STT3A: variants seen among roughly 807,000 people sequenced by gnomAD.
The protein encoded by STT3A is STT3 oligosaccharyltransferase complex catalytic subunit A, also known as dolichyl-diphosphooligosaccharide--protein glycosyltransferase subunit STT3A.
Under a neutral mutation model 89.2 loss-of-function variants are expected in STT3A, and 34 were observed. The ratio of observed to expected loss-of-function variants is 0.38; its 90% CI spans 0.29 to 0.51. The LOEUF (loss-of-function observed/expected upper bound fraction) is 0.51, where lower values mean the gene tolerates loss of function less well. STT3A is among the 20% of genes least tolerant of loss of function. STT3A has a pLI of 0.89. For missense variants in STT3A, 555 were observed against 889.5 expected (o/e 0.62, Z 4.78); for synonymous variants, 282 against 310.3 (o/e 0.91, Z 0.96).
In STT3A at chr11:125,602,907, T is replaced by A; in HGVS notation, c.376T>A (p.Phe126Ile). 6.2e-7 allele frequency: 1 copy of A among 1,614,130 alleles called. No individual in the cohort carries two copies. Among genetic ancestry groups the A allele is most frequent in the Non-Finnish European group, 8.5e-7 (1 of 1,180,034 alleles). Residue 126 changes from phenylalanine to isoleucine, a missense_variant, in exon 5 of 18, where the codon TTC becomes ATC. Phe to Ile is a conservative substitution (Grantham distance 21, BLOSUM62 0). Coordinates refer to ENST00000392708, the MANE Select transcript of STT3A (RefSeq NM_152713.5). ...CVFLAPLFSS[F>I]TTIVTYHLTK... is the part of the protein sequence containing the mutation. Reference sequence around the variant, plus strand: ...GTTCCTGGCCCCTCTCTTCTCCTCCTTCACCACCATCGTCACGTACCACCT... The same window carrying A: ...GTTCCTGGCCCCTCTCTTCTCCTCCATCACCACCATCGTCACGTACCACCT...
chr11:125,600,043 T>A (rs973900511), intron 3 of STT3A, among the ~76,000 whole-genome samples: 1 of 150,340 alleles, frequency 6.7e-6, no homozygotes, highest in Non-Finnish European at 1.5e-5. Flanking sequence ...TTTATTTTTA[T>A]TTGTTATTAT....
chr11:125,599,722 A>T (rs1239187304), intron 3 of STT3A, among the ~76,000 whole-genome samples: 7 of 147,050 alleles, frequency 4.8e-5, no homozygotes, highest in Non-Finnish European at 1.0e-4. Context: ...CTTTATTTTT[A>T]TTTATTATTA....
chr11:125,605,921 A>G (rs1468991879), intron 7 of STT3A, among the ~76,000 whole-genome samples, 186 bp downstream of exon 7: 1 of 152,070 alleles, frequency 6.6e-6, no homozygotes, highest in Non-Finnish European at 1.5e-5. Context: ...ACTTGCTCAC[A>G]TATCCCTAAA....
At chr11:125,598,649 A>G (rs1939573462) in intron 3 of STT3A, among the ~76,000 whole-genome samples, 1 of 152,144 alleles carries the variant, frequency 6.6e-6, no homozygotes, top group Non-Finnish European at 1.5e-5. Context: ...CTGTCACCCA[A>G]GCTGAAGTGC....
chr11:125,592,473 C>T (rs915386963), upstream of STT3A: 1 of 456,044 alleles, frequency 2.2e-6, no homozygotes, highest in Non-Finnish European at 4.4e-6. Context: ...GGACTTGGAG[C>T]AAGGGCCTAT....
upstream of STT3A, among the ~76,000 whole-genome samples, chr11:125,592,125 C>G (rs1160457597): frequency 6.6e-6 from 1 of 152,186 alleles, no homozygotes; most frequent in Non-Finnish European, 1.5e-5. Flanking sequence ...GAGGGCTGTG[C>G]CTCCGCGGCG....
Position 125,614,016 on chromosome 11 carries a change from C to A in STT3A, c.1555-71C>A. 2 of 1,356,088 alleles carry A rather than the reference C, an allele frequency of 1.5e-6. No homozygotes were observed. Among genetic ancestry groups the A allele is most frequent in the Non-Finnish European group, 2.1e-6 (2 of 954,066 alleles). 84.0% of individuals were successfully genotyped at this position (1,356,088 alleles called of 1,614,324 possible). On this transcript the variant is annotated intron_variant, in intron 13 of 17. Transcript: ENST00000392708. This position sits in a 1 kb window ranked among gnomAD's most constrained non-coding sequence, Gnocchi z 4.9. The stretch of plus-strand genomic sequence containing the variant: ...TGTCACTTCTGTCAGACCAAAGATG[C>A]CTTCTCTGTTGCATTTGATTTTTAG...
chr11:125,604,160 G>T lies in STT3A; in HGVS notation c.421G>T (p.Ala141Ser), dbSNP rs1166858649. Residue 141 changes from alanine (A) to serine (S), a missense_variant, in exon 6 of 18, where the codon GCA becomes TCA. Transcript: ENST00000392708. ...TATTACCCTTTTTTTCTTACAGGATGCAGGGGCTGGGCTTCTTGCTGCTGC... is the reference window on the plus strand; with the variant it reads ...TATTACCCTTTTTTTCTTACAGGATTCAGGGGCTGGGCTTCTTGCTGCTGC... ...TYHLTKELKDAGAGLLAAAMI... is the reference protein window; with the variant it reads ...TYHLTKELKDSGAGLLAAAMI... 1.9e-6 allele frequency: 3 copies of T among 1,613,866 alleles called. No individual in the cohort carries two copies. The highest frequency in any genetic ancestry group is 2.7e-5 in the African/African-American group (2 of 74,996).
intron 15 of STT3A, among the ~76,000 whole-genome samples, chr11:125,615,084 T>C (rs936962485): frequency 1.4e-4 from 22 of 152,100 alleles, no homozygotes; most frequent in African/African-American, 5.1e-4. Context: ...ATGACCAGCC[T>C]GGGCAACATA....
rs748004653 is a variant in STT3A at position 125,618,534 on chromosome 11, C to A, written c.1936C>A (p.Arg646Ser). 4 of 1,613,204 alleles carry A rather than the reference C, an allele frequency of 2.5e-6. No individual in the cohort carries two copies. The highest frequency in any genetic ancestry group is 1.3e-5 in the African/African-American group (1 of 74,826). ...CCTCATGTACAAGATGTGTTACTATCGCTTTGGACAGGTTTACACAGAAGC... is the reference window on the plus strand; with the variant it reads ...CCTCATGTACAAGATGTGTTACTATAGCTTTGGACAGGTTTACACAGAAGC... The part of the protein sequence containing the change: ...NCLMYKMCYY[R>S]FGQVYTEAKR... The change falls in exon 16 of 18, where the codon CGC (arginine) becomes AGC (serine). Residue 646 changes from arginine (R) to serine (S), a missense_variant. Arg to Ser is a moderately radical substitution (Grantham distance 110). Transcript: ENST00000392708.
chr11:125,600,744 A>G (rs1939647704), intron 3 of STT3A, among the ~76,000 whole-genome samples: 1 of 152,160 alleles, frequency 6.6e-6, no homozygotes, highest in African/African-American at 2.4e-5. Context: ...GCTCTTAAGC[A>G]TTTTATGTCA....
chr11:125,620,013 C>T lies in STT3A; in HGVS notation c.1966C>T (p.Arg656Cys), dbSNP rs144877028. The T allele has an allele frequency of 4.3e-6, 7 of 1,613,314 alleles. No homozygotes were observed. Among genetic ancestry groups the T allele is most frequent in the South Asian group, 1.1e-5 (1 of 91,020 alleles). Residue 656 changes from arginine to cysteine, a missense_variant and splice_region_variant, in exon 17 of 18, where the codon CGT becomes TGT. By Grantham distance (180) the Arg-to-Cys change is radical (BLOSUM62 -3). Around this residue, in one of 5 missense-constraint regions of STT3A, gnomAD observed 273 missense variants for 449.8 expected, o/e 0.61. Coordinates refer to ENST00000392708, the MANE Select transcript of STT3A (RefSeq NM_152713.5). ...TGTTCTTTTTCATCCCTCTCTAGAGCGTCCTCCAGGCTTTGACCGTGTCCG... is the reference window on the plus strand; with the variant it reads ...TGTTCTTTTTCATCCCTCTCTAGAGTGTCCTCCAGGCTTTGACCGTGTCCG... ...RFGQVYTEAK[R>C]PPGFDRVRNA...
At chr11:125,609,265 T>G (rs532886498) in intron 9 of STT3A, among the ~76,000 whole-genome samples, 169 bp from the exon 10 acceptor site, 1 of 152,340 alleles carries the variant, frequency 6.6e-6, no homozygotes, top group Admixed American at 6.5e-5. Flanking sequence ...ACTCTCAGGT[T>G]TGAAAGAAAG....
intron 3 of STT3A, 88 bp from the exon 4 acceptor site, chr11:125,602,215 T>C: frequency 6.8e-7 from 1 of 1,459,964 alleles, no homozygotes; most frequent in East Asian, 2.3e-5. Context: ...AACTGATTTT[T>C]CATTGAGTAA....
intron 16 of STT3A, among the ~76,000 whole-genome samples, chr11:125,619,788 G>C (rs941166062): frequency 9.2e-5 from 14 of 152,170 alleles, no homozygotes; most frequent in African/African-American, 3.1e-4. Flanking sequence ...TCTTATCAGA[G>C]ATAAGACATT....
Position 125,602,283 on chromosome 11 carries a change from A to G in STT3A, c.150-20A>G. The G allele has an allele frequency of 6.2e-7, 1 of 1,605,648 alleles. No individual in the cohort carries two copies. The highest frequency in any genetic ancestry group is 8.5e-7 in the Non-Finnish European group (1 of 1,177,298). ...CAAAATTCACCACAAATTTACAACA[A>G]AGTTTATTTCTTGCTATAGGTACTT... On this transcript the variant is annotated intron_variant, in intron 3 of 17. Transcript: ENST00000392708.
intron 6 of STT3A, 129 bp downstream of exon 6, chr11:125,604,376 C>A (rs535676872): frequency 1.2e-6 from 1 of 858,586 alleles, no homozygotes. Context: ...TGGGCAGGAA[C>A]GGATCTTGGA....
rs775824406 is a variant in STT3A, at chr11:125,611,534, A to C, written c.1209+15A>C. 4.3e-6 allele frequency: 7 copies of C among 1,610,914 alleles called. No homozygotes were observed. In the East Asian group the frequency reaches 1.6e-4, roughly 36 times the overall value. On this transcript the variant is annotated intron_variant, in intron 11 of 17. Transcript: ENST00000392708. ...CAGCTGTAATGGTGAGGATGCCCTC[A>C]GTCTGGTAGACTTTTTCACTCTAAC...
chr11:125,607,191 A>G (rs1403068056), intron 8 of STT3A, among the ~76,000 whole-genome samples: 1 of 152,228 alleles, frequency 6.6e-6, no homozygotes, highest in Non-Finnish European at 1.5e-5. Context: ...GCTTTGTGCT[A>G]GATGATTTTG....
Sources: gnomAD v4.1 joint callset for allele counts (sites outside exome capture counted in the v4.1 genomes callset) on GRCh38, gnomAD v4.1.1 for gene constraint, gnomAD v4.1.1 regional missense constraint, Gnocchi (gnomAD v3.1) non-coding constraint, MANE v1.5 for transcripts, NCBI Gene and HGNC (gene_info 2026-07-23, HGNC 2026-07-21) for gene names.